ERVFRD-1: variants seen among roughly 807,000 people sequenced by gnomAD.
ERVFRD-1 encodes the protein syncytin-2.
In ERVFRD-1, 33 loss-of-function variants were observed where a neutral mutation model predicts 43.8. That is an observed-to-expected ratio of 0.75 (90% CI 0.57 to 1.01). The LOEUF (loss-of-function observed/expected upper bound fraction) is 1.01, where lower values mean the gene tolerates loss of function less well. Ranked by LOEUF, ERVFRD-1 falls within the 50% of genes least tolerant of loss-of-function variation. The pLI is 0.00. For missense variants in ERVFRD-1, 568 were observed against 658.4 expected (o/e 0.86, Z 1.50); for synonymous variants, 239 against 244.4 (o/e 0.98, Z 0.21).
Position 11,104,680 on chromosome 6 carries a change from C to T in ERVFRD-1, c.631G>A (p.Asp211Asn). 3 of 1,614,222 alleles carry T rather than the reference C, an allele frequency of 1.9e-6. No homozygotes were observed. Among genetic ancestry groups the T allele is most frequent in the African/African-American group, 1.3e-5 (1 of 75,052 alleles). The part of the protein sequence containing the change: ...STRNFWFRPA[D>N]YNQCLQISNL... ...GAAATTTGCAGACATTGGTTATAAT[C>T]AGCAGGCCGGAACCAGAAGTTTCGA... Residue 211 changes from aspartate (D) to asparagine (N), a missense_variant, in exon 2 of 2, where the codon GAT becomes AAT. Transcript: ENST00000472091.
At chr6:11,111,571 G>A (rs928591962) in intron 1 of ERVFRD-1, 106 bp downstream of exon 1, 3 of 152,470 alleles carry the variant, frequency 2.0e-5, no homozygotes, top group Admixed American at 1.3e-4. Flanking sequence ...GAGAGGAATC[G>A]TTCCAGGGGT....
At chr6:11,106,973 T>A (rs1758093953) in intron 1 of ERVFRD-1, among the ~76,000 whole-genome samples, 1 of 152,234 alleles carries the variant, frequency 6.6e-6, no homozygotes, top group Admixed American at 6.5e-5. Context: ...TCCCCTAGTT[T>A]AGGGCTTTCG....
intron 1 of ERVFRD-1, among the ~76,000 whole-genome samples, chr6:11,108,575 G>T (rs1758122504): frequency 6.6e-6 from 1 of 152,164 alleles, no homozygotes; most frequent in Non-Finnish European, 1.5e-5. Context: ...GTAGCATTTG[G>T]GCAAAGGGAT....
chr6:11,104,047 T>A lies in ERVFRD-1; in HGVS notation c.1264A>T (p.Met422Leu). Reference sequence around the variant, plus strand: ...ATTCCTCCCTGTGCTGCCGTTAACATGTCTAGTCCTCGACGATTTTGAAGG... The same window carrying A: ...ATTCCTCCCTGTGCTGCCGTTAACAAGTCTAGTCCTCGACGATTTTGAAGG... ...VVLQNRRGLD[M>L]LTAAQGGICL... Residue 422 changes from methionine to leucine, a missense_variant, in exon 2 of 2, where the codon ATG becomes TTG. Physicochemically the swap from Met to Leu is conservative, Grantham distance 15 (BLOSUM62 2). Coordinates refer to ENST00000472091, the MANE Select transcript of ERVFRD-1 (RefSeq NM_207582.3). 6.4e-7 allele frequency: 1 copy of A among 1,551,764 alleles called. No individual in the cohort carries two copies. Among genetic ancestry groups the A allele is most frequent in the African/African-American group, 1.4e-5 (1 of 73,188 alleles).
chr6:11,104,411 AAT>A lies in ERVFRD-1; in HGVS notation c.898_899del (p.Ile300LeufsTer12), dbSNP rs1290699772. The A allele has an allele frequency of 2.9e-5, 45 of 1,551,580 alleles. No individual in the cohort carries two copies. The highest frequency in any genetic ancestry group is 3.7e-5 in the Non-Finnish European group (42 of 1,146,996). On this transcript the variant is annotated frameshift_variant, in exon 2 of 2. Transcript: ENST00000472091. LOFTEE classifies it high-confidence loss of function. ...TCLKTQGAFY[I>X]CGQSIHQCLP... ...GGCATTGGTGAATCGACTGGCCACAAATATAAAAGGCTCCTTGAGTTTTAAGG... is the reference window on the plus strand; with the variant it reads ...GGCATTGGTGAATCGACTGGCCACAAATAAAAGGCTCCTTGAGTTTTAAGG...
At chr6:11,106,988 C>T (rs909103986) in intron 1 of ERVFRD-1, among the ~76,000 whole-genome samples, 1 of 152,186 alleles carries the variant, frequency 6.6e-6, no homozygotes, top group Non-Finnish European at 1.5e-5. Context: ...CTTTCGTCAG[C>T]ACAGTGAGTT....
In ERVFRD-1 at chr6:11,103,552, C is replaced by T; in HGVS notation, c.*142G>A. On this transcript the variant is annotated 3_prime_UTR_variant, in exon 2 of 2. Coordinates refer to ENST00000472091, the MANE Select transcript of ERVFRD-1 (RefSeq NM_207582.3). The stretch of plus-strand genomic sequence containing the variant: ...TGACAGAGGGGCTGTAGTGGTTGTT[C>T]TGTGGGTCTTGGCCTCTTGCTAGCT... The T allele has an allele frequency of 1.6e-6, 2 of 1,258,004 alleles. No individual in the cohort carries two copies. Among genetic ancestry groups the T allele is most frequent in the Non-Finnish European group, 2.1e-6 (2 of 942,560 alleles). The allele number at this position is 1,258,004 out of a possible 1,614,324, so 77.9% of individuals were successfully genotyped here.
Position 11,104,729 on chromosome 6 carries a change from C to T in ERVFRD-1, c.582G>A (p.Gln194=), listed in dbSNP as rs1457794537. 3 of 1,614,176 alleles carry T rather than the reference C, an allele frequency of 1.9e-6. No individual in the cohort carries two copies. The highest frequency in any genetic ancestry group is 1.3e-5 in the African/African-American group (1 of 75,052). The part of the protein sequence containing the change: ...TLLDKSSRFC[Q]GRPSSCSTRN... ...GAGTACTGCATGAGCTTGGGCGTCC[C>T]TGGCAAAACCGGCTGGATTTATCTA... The change falls in exon 2 of 2, where the codon CAG becomes CAA. Residue 194 remains glutamine (Q), a synonymous_variant. Transcript: ENST00000472091.
intron 1 of ERVFRD-1, among the ~76,000 whole-genome samples, chr6:11,106,343 C>T (rs1758082715): frequency 6.6e-6 from 1 of 152,222 alleles, no homozygotes; most frequent in South Asian, 2.1e-4. Context: ...GGGTATGTAC[C>T]TCTCCTTTGG....
At chr6:11,106,418 C>T (rs1392678237) in intron 1 of ERVFRD-1, among the ~76,000 whole-genome samples, 1 of 152,236 alleles carries the variant, frequency 6.6e-6, no homozygotes, top group East Asian at 1.9e-4. Context: ...AAAGTGCAGG[C>T]TTGACAAACC....
rs144280824 is a variant in ERVFRD-1 at position 11,104,169 on chromosome 6, T to C, written c.1142A>G (p.Tyr381Cys). The C allele has an allele frequency of 2.8e-4, 431 of 1,551,600 alleles. No individual in the cohort carries two copies. Among genetic ancestry groups the C allele is most frequent in the Non-Finnish European group, 3.6e-4 (418 of 1,146,998 alleles). ...GGCTATTTCCTTTGAGAGCTGGCTA[T>C]AGGTGAGGGAAGCTTTTGTGATTCC... ...IAGITKASLTYSQLSKEIANN... is the reference protein window; with the variant it reads ...IAGITKASLTCSQLSKEIANN... Residue 381 changes from tyrosine (Y) to cysteine (C), a missense_variant, in exon 2 of 2, where the codon TAT becomes TGT. By Grantham distance (194) the Tyr-to-Cys change is radical (BLOSUM62 -2). Coordinates refer to ENST00000472091, the MANE Select transcript of ERVFRD-1 (RefSeq NM_207582.3).
Position 11,105,100 on chromosome 6 carries a change from C to A in ERVFRD-1, c.211G>T (p.Glu71Ter), listed in dbSNP as rs1442099375. ...SPREWTSIEA[E>*]LHISYRWDPN... Reference sequence around the variant, plus strand: ...TCCCATCGATAGGAAATATGTAATTCCGCCTCTATGCTTGTCCATTCTCTG... The same window carrying A: ...TCCCATCGATAGGAAATATGTAATTACGCCTCTATGCTTGTCCATTCTCTG... The change falls in exon 2 of 2, where the codon GAA becomes TAA. Residue 71 changes from glutamate (E) to a stop codon, truncating the protein, a stop_gained. Coordinates refer to ENST00000472091, the MANE Select transcript of ERVFRD-1 (RefSeq NM_207582.3). LOFTEE classifies it high-confidence loss of function. The A allele has an allele frequency of 1.2e-6, 2 of 1,614,164 alleles. No individual in the cohort carries two copies.
chr6:11,110,092 A>C, intron 1 of ERVFRD-1, among the ~76,000 whole-genome samples: 1 of 152,210 alleles, frequency 6.6e-6, no homozygotes, highest in East Asian at 1.9e-4. Context: ...AAGAAAGAAC[A>C]GAGGCGAGAA....
At chr6:11,107,165 C>T (rs1347752147) in intron 1 of ERVFRD-1, among the ~76,000 whole-genome samples, 2 of 152,178 alleles carry the variant, frequency 1.3e-5, no homozygotes, top group Non-Finnish European at 2.9e-5. Flanking sequence ...TTAAATCTTC[C>T]TGGCTGGCAT....
In ERVFRD-1 at chr6:11,104,855, A is replaced by C; in HGVS notation, c.456T>G (p.Asp152Glu). 6.2e-7 allele frequency: 1 copy of C among 1,614,214 alleles called. No homozygotes were observed. Among genetic ancestry groups the C allele is most frequent in the South Asian group, 1.1e-5 (1 of 91,080 alleles). ...STVCNVTFTV[D>E]SNQQTYQTYT... The stretch of plus-strand genomic sequence containing the variant: ...ATGTTTGGTAAGTCTGTTGGTTAGA[A>C]TCTACAGTGAAAGTAACATTACAGA... The change falls in exon 2 of 2, where the codon GAT becomes GAG. Residue 152 changes from aspartate to glutamate, a missense_variant. Coordinates refer to ENST00000472091, the MANE Select transcript of ERVFRD-1 (RefSeq NM_207582.3).
intron 1 of ERVFRD-1, among the ~76,000 whole-genome samples, chr6:11,107,058 G>A (rs1758096158): frequency 6.6e-6 from 1 of 152,168 alleles, no homozygotes; most frequent in African/African-American, 2.4e-5. Context: ...TTGTTGAAGG[G>A]ACATTGTACC....
intron 1 of ERVFRD-1, among the ~76,000 whole-genome samples, chr6:11,111,465 C>A (rs1758165649): frequency 6.6e-6 from 1 of 152,168 alleles, no homozygotes; most frequent in Admixed American, 6.5e-5. Flanking sequence ...TGTCTCAGGT[C>A]TACTTAGTGC....
At chr6:11,108,409 G>T (rs75687634) in intron 1 of ERVFRD-1, among the ~76,000 whole-genome samples, 2,275 of 152,302 alleles carry the variant, frequency 0.015, 51 homozygotes, top group African/African-American at 0.05. Context: ...GGAGCTGAAG[G>T]TCATCCAGTT....
At chr6:11,107,925 A>C (rs1758111120) in intron 1 of ERVFRD-1, among the ~76,000 whole-genome samples, 1 of 152,220 alleles carries the variant, frequency 6.6e-6, no homozygotes, top group African/African-American at 2.4e-5. Flanking sequence ...GAATTACTAT[A>C]GGCATTGCCA....
Sources: gnomAD v4.1 joint callset for allele counts (sites outside exome capture counted in the v4.1 genomes callset) on GRCh38, gnomAD v4.1.1 for gene constraint, MANE v1.5 for transcripts, NCBI Gene and HGNC (gene_info 2026-07-23, HGNC 2026-07-21) for gene names.